The following LARS2 variants were observed in gnomAD, a reference collection of about 807,000 sequenced individuals.
The protein encoded by LARS2 is leucyl-tRNA synthetase 2, mitochondrial.
In LARS2, 81 loss-of-function variants were observed where a neutral mutation model predicts 116.6. The ratio of observed to expected loss-of-function variants is 0.69; its 90% CI spans 0.58 to 0.84. LARS2 has a LOEUF of 0.84. Among genes scored for constraint, LARS2 ranks in the 40% least tolerant of loss-of-function variants. The pLI is 0.00. For missense variants in LARS2, 968 were observed against 1,114.5 expected (o/e 0.87, Z 1.87); for synonymous variants, 396 against 407.2 (o/e 0.97, Z 0.33).
At chr3:45,439,628 T>G (rs1698872430) in intron 6 of LARS2, among the ~76,000 whole-genome samples, 1 of 151,730 alleles carries the variant, frequency 6.6e-6, no homozygotes. Flanking sequence ...CTAACTGTTT[T>G]TTTTTTTTTT....
chr3:45,454,900 C>A (rs1346371574), intron 7 of LARS2, among the ~76,000 whole-genome samples: 1 of 152,140 alleles, frequency 6.6e-6, no homozygotes, highest in African/African-American at 2.4e-5. Context: ...AGGTGCTGTG[C>A]TCCCTGAGCC....
intron 16 of LARS2, 108 bp downstream of exon 16, chr3:45,513,343 G>A: frequency 1.3e-6 from 1 of 762,724 alleles, no homozygotes; most frequent in Non-Finnish European, 2.3e-6. Context: ...GAGGATGCAG[G>A]AGAGAGACCC....
intron 14 of LARS2, among the ~76,000 whole-genome samples, chr3:45,499,930 C>T (rs762537983): frequency 6.6e-6 from 1 of 151,964 alleles, no homozygotes; most frequent in Non-Finnish European, 1.5e-5. Context: ...TTAACACTTA[C>T]CTGACTTTTT....
At chr3:45,447,343 T>G (rs1699039704) in intron 7 of LARS2, among the ~76,000 whole-genome samples, 1 of 152,164 alleles carries the variant, frequency 6.6e-6, no homozygotes, top group South Asian at 2.1e-4. Context: ...AATGGGGACA[T>G]TTTCCTTGTG....
chr3:45,400,581 T>C (rs1698129750), intron 4 of LARS2, among the ~76,000 whole-genome samples: 1 of 152,096 alleles, frequency 6.6e-6, no homozygotes, highest in African/African-American at 2.4e-5. Context: ...CAGCCATGAG[T>C]TGGGTGTTGT....
At chr3:45,425,971 T>C (rs1698589309) in intron 6 of LARS2, among the ~76,000 whole-genome samples, 1 of 151,558 alleles carries the variant, frequency 6.6e-6, no homozygotes, top group Non-Finnish European at 1.5e-5. Context: ...TCTCTTAGCC[T>C]TCTCTTCCCA....
intron 6 of LARS2, among the ~76,000 whole-genome samples, chr3:45,440,538 C>T (rs567219994): frequency 5.9e-5 from 9 of 152,188 alleles, no homozygotes; most frequent in African/African-American, 1.9e-4. Flanking sequence ...CTTACAGGGC[C>T]GCCGGATGAT....
chr3:45,504,756 T>G (rs1406514219), intron 15 of LARS2, among the ~76,000 whole-genome samples: 1 of 151,730 alleles, frequency 6.6e-6, no homozygotes, highest in Non-Finnish European at 1.5e-5. Context: ...GTGTTTTTTT[T>G]GTTTTGTTTT....
chr3:45,393,563 A>G (rs1697992977), intron 2 of LARS2, among the ~76,000 whole-genome samples: 1 of 151,928 alleles, frequency 6.6e-6, no homozygotes, highest in Admixed American at 6.6e-5. Context: ...CAATAGAGCG[A>G]GACTCTGTCT....
chr3:45,419,574 G>T, intron 5 of LARS2, 95 bp from the exon 6 acceptor site: 1 of 938,280 alleles, frequency 1.1e-6, no homozygotes, highest in South Asian at 1.4e-5. Flanking sequence ...GAATAATTTA[G>T]ACTTTTTCAG....
chr3:45,478,567 C>T (rs903377272), intron 10 of LARS2, among the ~76,000 whole-genome samples: 1 of 152,126 alleles, frequency 6.6e-6, no homozygotes, highest in East Asian at 1.9e-4. Context: ...ACATGGATAT[C>T]GACACACCTG....
At chr3:45,539,810 A>G (rs1370801878) in intron 20 of LARS2, among the ~76,000 whole-genome samples, 1 of 152,134 alleles carries the variant, frequency 6.6e-6, no homozygotes, top group African/African-American at 2.4e-5. Context: ...ATTGTGTGTC[A>G]TTCTTTGCCA....
At chr3:45,483,271 T>A (rs1165672245) in intron 10 of LARS2, among the ~76,000 whole-genome samples, 2 of 152,332 alleles carry the variant, frequency 1.3e-5, no homozygotes, top group Middle Eastern at 3.4e-3. Flanking sequence ...TGACTTTTAT[T>A]CTATAACCCC....
rs772150626 is a variant in LARS2, at chr3:45,394,609, A to T, written c.156A>T (p.Thr52=). 6.2e-7 allele frequency: 1 copy of T among 1,614,242 alleles called. No homozygotes were observed. The change falls in exon 3 of 22, where the codon ACA becomes ACT. Residue 52 remains threonine, a synonymous_variant. Transcript: ENST00000645846. ...SATGKWTKEY[T]LQTRKDVEKW... is the part of the protein sequence containing the mutation. ...CGGGAAAGTGGACAAAAGAGTATAC[A>T]TTGCAGACAAGAAAGGATGTTGAGA...
At chr3:45,516,601 C>T (rs990292609) in intron 17 of LARS2, among the ~76,000 whole-genome samples, 6 of 152,188 alleles carry the variant, frequency 3.9e-5, no homozygotes, top group Non-Finnish European at 8.8e-5. Context: ...GCACACTCTA[C>T]GAGGACCATG....
At chr3:45,449,532 C>G (rs907442795) in intron 7 of LARS2, among the ~76,000 whole-genome samples, 1 of 152,142 alleles carries the variant, frequency 6.6e-6, no homozygotes, top group Non-Finnish European at 1.5e-5. Flanking sequence ...TCAATTTATT[C>G]ATGAGAGCAG....
At position 45,509,132 on chromosome 3, in the gene LARS2, G is replaced by A. The variant is rs374367931; in HGVS notation, c.1761-4003G>A. On this transcript the variant is annotated intron_variant, in intron 15 of 21. Transcript: ENST00000645846. Reference sequence around the variant, plus strand: ...AAGAAAGCTGACTCAGAAATCCAGGGCCTTCTTCAAGGCAGAGGCCCTGCC... The same window carrying A: ...AAGAAAGCTGACTCAGAAATCCAGGACCTTCTTCAAGGCAGAGGCCCTGCC... Among the ~76,000 whole-genome samples, 368 of 152,204 alleles carry A rather than the reference G, an allele frequency of 2.4e-3. 12 individuals are homozygous for A. The South Asian group carries it at 0.07, about 29-fold the overall frequency.
chr3:45,506,539 A>C (rs904753456), intron 15 of LARS2, among the ~76,000 whole-genome samples: 1 of 152,048 alleles, frequency 6.6e-6, no homozygotes, highest in African/African-American at 2.4e-5. Context: ...TTTGATTAGC[A>C]TTGTAATTTC....
At chr3:45,461,581 A>G (rs1575269902) in intron 8 of LARS2, among the ~76,000 whole-genome samples, 2 of 152,298 alleles carry the variant, frequency 1.3e-5, no homozygotes, top group African/African-American at 4.8e-5. Context: ...AGGGAATGGC[A>G]TGGTCAGATT....
Sources: gnomAD v4.1 joint callset for allele counts (sites outside exome capture counted in the v4.1 genomes callset) on GRCh38, gnomAD v4.1.1 for gene constraint, MANE v1.5 for transcripts, NCBI Gene and HGNC (gene_info 2026-07-23, HGNC 2026-07-21) for gene names.